CPNE4: variants seen among roughly 807,000 people sequenced by gnomAD.
CPNE4 encodes the protein copine 4, also known as copine-4.
In CPNE4, 25 loss-of-function variants were observed where a neutral mutation model predicts 67.9. The observed-to-expected ratio is 0.37, with a 90% CI of 0.27 to 0.51. CPNE4 has a LOEUF of 0.51. Ranked by LOEUF, CPNE4 falls within the 20% of genes least tolerant of loss-of-function variation. The pLI is 0.93. For missense variants in CPNE4, 464 were observed against 690.8 expected (o/e 0.67, Z 3.68); for synonymous variants, 242 against 244.9 (o/e 0.99, Z 0.11).
intron 3 of CPNE4, among the ~76,000 whole-genome samples, chr3:131,719,107 T>C (rs2081816173): frequency 1.3e-5 from 2 of 152,194 alleles, no homozygotes; most frequent in South Asian, 4.1e-4. Context: ...AGTGGATCAG[T>C]ACAGTTTGGG....
At chr3:131,766,660 A>G (rs1488641595) in intron 2 of CPNE4, among the ~76,000 whole-genome samples, 1 of 152,144 alleles carries the variant, frequency 6.6e-6, no homozygotes, top group Admixed American at 6.6e-5. Flanking sequence ...ATGTCTCTTG[A>G]TAACACAATT....
Position 131,577,697 on chromosome 3 carries a change from G to A in CPNE4, c.868-2567C>T, listed in dbSNP as rs187594873. The stretch of plus-strand genomic sequence containing the variant: ...GTCAGTGAGTGAGAGGTGAGTGAAT[G>A]TGAAGGCCTAGACTATTACTATACA... On this transcript the variant is annotated intron_variant, in intron 9 of 15. Transcript: ENST00000429747. 3.1e-3 allele frequency among the ~76,000 whole-genome samples: 474 copies of A among 152,244 alleles called. 2 individuals carry two copies. The highest frequency in any genetic ancestry group is 0.024 in the Middle Eastern group (7 of 294).
intron 2 of CPNE4, among the ~76,000 whole-genome samples, chr3:131,879,787 G>A (rs566321686): frequency 6.6e-6 from 1 of 152,288 alleles, no homozygotes; most frequent in South Asian, 2.1e-4. Context: ...AAGCTTTGGA[G>A]ATTGGGAATT....
intron 1 of CPNE4, among the ~76,000 whole-genome samples, chr3:131,944,185 T>A (rs1490031012): frequency 6.6e-6 from 1 of 151,822 alleles, no homozygotes; most frequent in Non-Finnish European, 1.5e-5. Context: ...GATGATCATC[T>A]CCTAAACATG....
chr3:131,948,650 C>A (rs1422062196), intron 1 of CPNE4, among the ~76,000 whole-genome samples: 1 of 152,126 alleles, frequency 6.6e-6, no homozygotes, highest in Non-Finnish European at 1.5e-5. Flanking sequence ...ATGGGGAAAG[C>A]CTTCAATCTT....
intron 2 of CPNE4, among the ~76,000 whole-genome samples, chr3:131,744,893 A>G (rs1255991175): frequency 6.6e-6 from 1 of 152,186 alleles, no homozygotes; most frequent in African/African-American, 2.4e-5. Context: ...TGTTATAAAC[A>G]TTTGTCTACA....
intron 10 of CPNE4, among the ~76,000 whole-genome samples, chr3:131,564,993 C>T (rs985796263): frequency 1.3e-5 from 2 of 152,004 alleles, no homozygotes; most frequent in Non-Finnish European, 2.9e-5. Flanking sequence ...AGAAGGGAAA[C>T]CTGTCTTGCC....
chr3:131,874,763 G>T (rs6787523), intron 2 of CPNE4, among the ~76,000 whole-genome samples: 99,256 of 152,084 alleles, frequency 0.65, 32,630 homozygotes, highest in Admixed American at 0.74. Flanking sequence ...GTAAAAAAAT[G>T]AAATTTAAAC....
At chr3:132,013,335 T>C (rs1217669967) in intron 1 of CPNE4, among the ~76,000 whole-genome samples, 1 of 152,168 alleles carries the variant, frequency 6.6e-6, no homozygotes, top group Non-Finnish European at 1.5e-5. Context: ...TTGTTGTTTT[T>C]AGGAGTGAAT....
intron 1 of CPNE4, among the ~76,000 whole-genome samples, chr3:132,021,412 TGTTTCCTATGTA>T (rs1327341830): frequency 2.6e-5 from 4 of 152,308 alleles, no homozygotes; most frequent in African/African-American, 7.2e-5. Flanking sequence ...ACCCTATATA[TGTTTCCTATGTA>T]GGTTCCTGGA....
chr3:132,014,539 T>C (rs1373290023), intron 1 of CPNE4, among the ~76,000 whole-genome samples: 1 of 152,208 alleles, frequency 6.6e-6, no homozygotes, highest in African/African-American at 2.4e-5. Flanking sequence ...GTATCCAGAT[T>C]ATTTCCATTT....
chr3:131,563,271 A>G (rs548785898), intron 11 of CPNE4, among the ~76,000 whole-genome samples: 3 of 152,180 alleles, frequency 2.0e-5, no homozygotes, highest in Admixed American at 1.3e-4. Flanking sequence ...TGAAAGGTCA[A>G]TTTGTTGCTG....
intron 2 of CPNE4, among the ~76,000 whole-genome samples, chr3:131,756,032 G>A (rs116023400): frequency 6.6e-6 from 1 of 152,058 alleles, no homozygotes; most frequent in Non-Finnish European, 1.5e-5. Flanking sequence ...GTATCCAAGG[G>A]CAGTGCACAT....
Position 131,534,448 on chromosome 3 carries a change from A to T in CPNE4, c.*747T>A, listed in dbSNP as rs1338121906. ...TCTAGATCCTCACTCCTCTTGGTATAGTCCAGGGACTGCATTAGCATCACC... is the reference window on the plus strand; with the variant it reads ...TCTAGATCCTCACTCCTCTTGGTATTGTCCAGGGACTGCATTAGCATCACC... On this transcript the variant is annotated 3_prime_UTR_variant, in exon 16 of 16. Transcript: ENST00000429747. 1.3e-5 allele frequency: 2 copies of T among 152,190 alleles called. No homozygotes were observed. Among genetic ancestry groups the T allele is most frequent in the African/African-American group, 4.8e-5 (2 of 41,448 alleles). 9.4% of individuals were successfully genotyped at this position (152,190 alleles called of 1,614,324 possible).
At chr3:131,764,172 C>T (rs2082953296) in intron 2 of CPNE4, among the ~76,000 whole-genome samples, 1 of 150,922 alleles carries the variant, frequency 6.6e-6, no homozygotes, top group Non-Finnish European at 1.5e-5. Context: ...TATCTCACAA[C>T]AATGGAATAT....
Position 131,888,606 on chromosome 3 carries a change from A to T in CPNE4, c.180+16658T>A, listed in dbSNP as rs961939941. Among the ~76,000 whole-genome samples the T allele has an allele frequency of 2.0e-5, 3 of 152,196 alleles. No homozygotes were observed. The South Asian group carries it at 6.2e-4, about 32-fold the overall frequency. Reference sequence around the variant, plus strand: ...AATTTTCTTGTTACTTCTCTTCTAAAACTGACAAACAGTGGGGGACAACGT... The same window carrying T: ...AATTTTCTTGTTACTTCTCTTCTAATACTGACAAACAGTGGGGGACAACGT... On this transcript the variant is annotated intron_variant, in intron 2 of 15. Transcript: ENST00000429747.
At chr3:131,686,923 C>G (rs1431292498) in intron 5 of CPNE4, among the ~76,000 whole-genome samples, 1 of 152,166 alleles carries the variant, frequency 6.6e-6, no homozygotes, top group African/African-American at 2.4e-5. Context: ...TCTCCCCAGC[C>G]CCATGAGACC....
intron 2 of CPNE4, among the ~76,000 whole-genome samples, chr3:131,895,657 A>G (rs965486265): frequency 2.0e-5 from 3 of 152,102 alleles, no homozygotes; most frequent in African/African-American, 4.8e-5. Context: ...CATCAAGCTG[A>G]ACATCTAAAA....
chr3:131,566,197 T>C (rs1002336493), intron 10 of CPNE4, among the ~76,000 whole-genome samples: 1 of 151,894 alleles, frequency 6.6e-6, no homozygotes, highest in African/African-American at 2.4e-5. Flanking sequence ...TAGGGAGACT[T>C]GCTAGGAGGC....
Sources: allele counts gnomAD v4.1 joint callset (sites outside exome capture counted in the v4.1 genomes callset), GRCh38; gene constraint gnomAD v4.1.1; transcripts MANE v1.5; gene names NCBI Gene and HGNC (gene_info 2026-07-23, HGNC 2026-07-21).